The following CIZ1 variants were observed in gnomAD, a reference collection of about 807,000 sequenced individuals.
CIZ1 encodes the protein cip1-interacting zinc finger protein.
A neutral mutation model predicts 118.6 loss-of-function variants in CIZ1; 58 were observed. That is an observed-to-expected ratio of 0.49 (90% CI 0.40 to 0.61). The LOEUF is 0.61. Among genes scored for constraint, CIZ1 ranks in the 20% least tolerant of loss-of-function variants. CIZ1 has a pLI of 0.00. For synonymous variants in CIZ1, 448 were observed against 443.4 expected (o/e 1.01, Z -0.13); for missense variants, 921 against 1,115.9 (o/e 0.83, Z 2.49).
At chr9:128,169,990 G>C in intron 12 of CIZ1, 30 bp downstream of exon 12, 1 of 1,578,092 alleles carries the variant, frequency 6.3e-7, no homozygotes, top group Non-Finnish European at 8.7e-7. Flanking sequence ...CGGCAGTGCG[G>C]GTGCCTCTGC....
At chr9:128,182,932 CTTAA>C (rs1464679378) in intron 5 of CIZ1, among the ~76,000 whole-genome samples, 15 of 152,080 alleles carry the variant, frequency 9.9e-5, no homozygotes, top group Admixed American at 9.8e-4. Context: ...CCTCCACAGT[CTTAA>C]TTAATTGGTT....
At chr9:128,181,344 G>A (rs1312422431) in intron 5 of CIZ1, among the ~76,000 whole-genome samples, 1 of 152,164 alleles carries the variant, frequency 6.6e-6, no homozygotes, top group Non-Finnish European at 1.5e-5. Flanking sequence ...TCTGTGGGTG[G>A]CAAGCCACCC....
At chr9:128,191,586 C>A, upstream of CIZ1, 1 of 1,149,952 alleles carries the variant, frequency 8.7e-7, no homozygotes, top group Non-Finnish European at 1.1e-6. The surrounding 1 kb of genome is among the most constrained non-coding windows in gnomAD (Gnocchi z 5.5). Context: ...CAAATGCGGG[C>A]GGGGCCGGCC....
At chr9:128,188,714 A>ACC (rs1194886512) in intron 3 of CIZ1, among the ~76,000 whole-genome samples, 1 of 151,590 alleles carries the variant, frequency 6.6e-6, no homozygotes, top group Non-Finnish European at 1.5e-5. Context: ...GCTCACAGCA[A>ACC]CCCCCGCCTC....
intron 5 of CIZ1, among the ~76,000 whole-genome samples, chr9:128,181,383 G>A (rs1831591937): frequency 6.6e-6 from 1 of 152,178 alleles, no homozygotes; most frequent in South Asian, 2.1e-4. Context: ...CAGAGGACAC[G>A]AGCTGTTCCA....
upstream of CIZ1, chr9:128,191,932 A>C: frequency 7.0e-7 from 1 of 1,428,434 alleles, no homozygotes; most frequent in Non-Finnish European, 9.2e-7. This position sits in a 1 kb window ranked among gnomAD's most constrained non-coding sequence, Gnocchi z 5.5. Context: ...CAGTTGGCGG[A>C]TGTACATTCA....
At chr9:128,196,573 GAGAAA>G (rs973016073), upstream of CIZ1, among the ~76,000 whole-genome samples, 6 of 150,268 alleles carry the variant, frequency 4.0e-5, no homozygotes, top group East Asian at 4.0e-4. Context: ...AAGAAAGAAA[GAGAAA>G]AGAAAAGAAT....
chr9:128,195,081 T>C (rs113722985), upstream of CIZ1, among the ~76,000 whole-genome samples: 3,780 of 152,210 alleles, frequency 0.025, 152 homozygotes, highest in African/African-American at 0.086. Flanking sequence ...CATGGTCTCC[T>C]GAAGTGCTGA....
At chr9:128,172,949 G>T (rs1830324502) in intron 11 of CIZ1, among the ~76,000 whole-genome samples, 1 of 152,152 alleles carries the variant, frequency 6.6e-6, no homozygotes, top group South Asian at 2.1e-4. Flanking sequence ...ACTGTCCTCA[G>T]TAAAATCTTC....
At chr9:128,194,214 T>C (rs544766614), upstream of CIZ1, among the ~76,000 whole-genome samples, 132 of 151,394 alleles carry the variant, frequency 8.7e-4, no homozygotes, top group African/African-American at 3.1e-3. Flanking sequence ...ATACAAAAAT[T>C]AGCCGGGCAT....
chr9:128,173,714 C>T (rs1238793471), intron 11 of CIZ1, among the ~76,000 whole-genome samples: 6 of 152,016 alleles, frequency 3.9e-5, no homozygotes, highest in African/African-American at 1.2e-4. Context: ...TGCCCAGAAA[C>T]GGCCAACGCG....
chr9:128,192,039 C>A, upstream of CIZ1: 1 of 719,540 alleles, frequency 1.4e-6, no homozygotes, highest in South Asian at 3.0e-5. Flanking sequence ...CCCTCCAAGT[C>A]TTTTCTCAGT....
intron 1 of CIZ1, chr9:128,198,068 C>T (rs544321333): frequency 6.6e-6 from 1 of 152,382 alleles, no homozygotes; most frequent in East Asian, 1.9e-4. Flanking sequence ...TGATGGGGAG[C>T]CCTTCAACAG....
In CIZ1 at chr9:128,180,590, T is replaced by G. The variant is rs536914463; in HGVS notation, c.683-67A>C. Reference sequence around the variant, plus strand: ...GCAAGCATCTCTGACCTCCAAGAGATGGGGCCTGGGCTCCCCGCCTTCCCA... The same window carrying G: ...GCAAGCATCTCTGACCTCCAAGAGAGGGGGCCTGGGCTCCCCGCCTTCCCA... On this transcript the variant is annotated intron_variant, in intron 6 of 16. Coordinates refer to ENST00000372938, the MANE Select transcript of CIZ1 (RefSeq NM_001131016.2). The G allele has an allele frequency of 4.1e-6, 6 of 1,466,926 alleles. No individual in the cohort carries two copies. The African/African-American group carries it at 8.4e-5, about 20-fold the overall frequency. 90.9% of individuals were successfully genotyped at this position (1,466,926 alleles called of 1,614,324 possible). A position where few individuals can be genotyped will look rare whatever the true frequency, so the allele number is the denominator to read the frequency against.
At position 128,166,680 on chromosome 9, in the gene CIZ1, GGCCACTA is replaced by G; in HGVS notation, c.2487+72_2487+78del. On this transcript the variant is annotated intron_variant, in intron 16 of 16. Coordinates refer to ENST00000372938, the MANE Select transcript of CIZ1 (RefSeq NM_001131016.2). The surrounding 1 kb of genome is among the most constrained non-coding windows in gnomAD (Gnocchi z 4.4). Reference sequence around the variant, plus strand: ...ATTGAGGCCCTGCACAAGAGGGAGTGGCCACTAGCCACCCGAATCAGCTTGGATTAAG... The same window carrying G: ...ATTGAGGCCCTGCACAAGAGGGAGTGGCCACCCGAATCAGCTTGGATTAAG... 1.3e-6 allele frequency: 2 copies of G among 1,572,714 alleles called. No homozygotes were observed. Among genetic ancestry groups the G allele is most frequent in the Non-Finnish European group, 1.7e-6 (2 of 1,145,276 alleles).
intron 14 of CIZ1, chr9:128,167,774 C>G (rs1829613897): frequency 6.5e-6 from 1 of 154,264 alleles, no homozygotes; most frequent in African/African-American, 2.4e-5. Context: ...GCAGGCCTAG[C>G]AGTGCCCTCC....
Position 128,166,671 on chromosome 9 carries a change from A to G in CIZ1, c.2487+88T>C. On this transcript the variant is annotated intron_variant, in intron 16 of 16. Transcript: ENST00000372938. This position sits in a 1 kb window ranked among gnomAD's most constrained non-coding sequence, Gnocchi z 4.4. ...TGCCTGGGGATTGAGGCCCTGCACAAGAGGGAGTGGCCACTAGCCACCCGA... is the reference window on the plus strand; with the variant it reads ...TGCCTGGGGATTGAGGCCCTGCACAGGAGGGAGTGGCCACTAGCCACCCGA... 6.5e-6 allele frequency: 10 copies of G among 1,535,328 alleles called. No individual in the cohort carries two copies. The Admixed American group carries it at 8.4e-5, about 13-fold the overall frequency.
chr9:128,188,908 C>T (rs1832784704), intron 3 of CIZ1, among the ~76,000 whole-genome samples: 1 of 152,114 alleles, frequency 6.6e-6, no homozygotes, highest in African/African-American at 2.4e-5. Flanking sequence ...AAGTGATTCT[C>T]CTGCCTCAGC....
intron 5 of CIZ1, among the ~76,000 whole-genome samples, chr9:128,182,964 AAT>A (rs764762419): frequency 1.3e-5 from 2 of 152,150 alleles, no homozygotes; most frequent in South Asian, 4.2e-4. Context: ...TATTTGCATT[AAT>A]ATCTCTCACC....
Sources: allele counts gnomAD v4.1 joint callset (sites outside exome capture counted in the v4.1 genomes callset), GRCh38; gene constraint gnomAD v4.1.1; non-coding constraint Gnocchi (gnomAD v3.1); transcripts MANE v1.5; gene names NCBI Gene and HGNC (gene_info 2026-07-23, HGNC 2026-07-21).